The following DLGAP2 variants were observed in gnomAD, a reference collection of about 807,000 sequenced individuals.
DLGAP2 encodes disks large-associated protein 2.
Under a neutral mutation model 100.3 loss-of-function variants are expected in DLGAP2, and 26 were observed. That is an observed-to-expected ratio of 0.26 (90% CI 0.19 to 0.36). The LOEUF (loss-of-function observed/expected upper bound fraction) is 0.36, where lower values mean the gene tolerates loss of function less well. Among genes scored for constraint, DLGAP2 ranks in the 10% least tolerant of loss-of-function variants. The pLI is 1.00. For missense variants in DLGAP2, 1,858 were observed against 1,453.2 expected (o/e 1.28, Z -4.53); for synonymous variants, 886 against 630.1 (o/e 1.41, Z -6.08).
intron 6 of DLGAP2, among the ~76,000 whole-genome samples, chr8:1,613,285 T>A (rs13263740): frequency 7.0e-6 from 1 of 142,640 alleles, no homozygotes; most frequent in Non-Finnish European, 1.5e-5. Context: ...AGTAAACTAT[T>A]GCAAGAACAA....
intron 1 of DLGAP2, among the ~76,000 whole-genome samples, chr8:863,070 G>T (rs1032864086): frequency 2.0e-5 from 3 of 152,142 alleles, no homozygotes; most frequent in Admixed American, 2.0e-4. Context: ...TTTGTGAATT[G>T]TCTATGCATG....
chr8:1,445,310 A>T (rs968818589), intron 3 of DLGAP2, among the ~76,000 whole-genome samples: 1 of 137,388 alleles, frequency 7.3e-6, no homozygotes, highest in African/African-American at 2.8e-5. Flanking sequence ...AATTTGTTCA[A>T]TTCCCACCTA....
At chr8:976,376 T>A (rs1172707333) in intron 2 of DLGAP2, among the ~76,000 whole-genome samples, 1 of 151,766 alleles carries the variant, frequency 6.6e-6, no homozygotes, top group Non-Finnish European at 1.5e-5. Context: ...CTTTGGGAGA[T>A]CGAGGCGGGC....
At chr8:1,636,733 C>T (rs932970951) in intron 8 of DLGAP2, among the ~76,000 whole-genome samples, 1 of 152,178 alleles carries the variant, frequency 6.6e-6, no homozygotes, top group Admixed American at 6.5e-5. Context: ...TCTTCTGATA[C>T]CAGGACCTGG....
In DLGAP2 at chr8:1,323,573, C is replaced by T. The variant is rs148260830; in HGVS notation, c.106+64690C>T. On this transcript the variant is annotated intron_variant, in intron 3 of 14. Coordinates refer to ENST00000637795, the MANE Select transcript of DLGAP2 (RefSeq NM_001346810.2). The stretch of plus-strand genomic sequence containing the variant: ...GGCTCCTGCTGAACCAGGATTCGAA[C>T]GTGGGGCAGGCAGCAGCAGCTCCTG... Among the ~76,000 whole-genome samples, 628 of 152,300 alleles carry T rather than the reference C, an allele frequency of 4.1e-3. 6 individuals are homozygous for T. The highest frequency in any genetic ancestry group is 0.014 in the African/African-American group (581 of 41,566).
chr8:1,391,890 C>T (rs749387172), intron 3 of DLGAP2, among the ~76,000 whole-genome samples: 1 of 152,252 alleles, frequency 6.6e-6, no homozygotes, highest in African/African-American at 2.4e-5. Context: ...AACGCTTGTG[C>T]GTCCACCTTG....
At chr8:1,106,998 T>A (rs528016312) in intron 2 of DLGAP2, among the ~76,000 whole-genome samples, 271 of 152,060 alleles carry the variant, frequency 1.8e-3, no homozygotes, top group African/African-American at 6.3e-3. Context: ...AGTGAGAGAG[T>A]CTATTAAACC....
chr8:1,361,997 G>A (rs965868694), intron 3 of DLGAP2, among the ~76,000 whole-genome samples: 1 of 152,206 alleles, frequency 6.6e-6, no homozygotes, highest in African/African-American at 2.4e-5. Context: ...TGGCTGCAGA[G>A]GTGGAATGGC....
chr8:1,521,008 G>A (rs533221173), intron 4 of DLGAP2, among the ~76,000 whole-genome samples: 126 of 152,286 alleles, frequency 8.3e-4, no homozygotes, highest in African/African-American at 2.7e-3. Context: ...CGTCCTGGCC[G>A]GCGTGTGGTA....
At chr8:1,348,598 A>C (rs1210316275) in intron 3 of DLGAP2, among the ~76,000 whole-genome samples, 4 of 151,468 alleles carry the variant, frequency 2.6e-5, no homozygotes, top group Non-Finnish European at 5.9e-5. Flanking sequence ...TAACATCTGC[A>C]TTGCACTCAT....
chr8:1,288,244 A>AGT (rs1387903625), intron 3 of DLGAP2, among the ~76,000 whole-genome samples: 52 of 82,420 alleles, frequency 6.3e-4, no homozygotes, highest in South Asian at 5.2e-3. Context: ...GTTTCGTTTC[A>AGT]GTGTGTGTGT....
chr8:794,578 T>G (rs1016846406), intron 1 of DLGAP2, among the ~76,000 whole-genome samples: 3 of 152,264 alleles, frequency 2.0e-5, no homozygotes, highest in Non-Finnish European at 4.4e-5. Context: ...ATGTTATTGT[T>G]TGTGGCTTAG....
At chr8:1,420,894 A>C (rs1797070976) in intron 3 of DLGAP2, among the ~76,000 whole-genome samples, 1 of 152,172 alleles carries the variant, frequency 6.6e-6, no homozygotes, top group Non-Finnish European at 1.5e-5. Context: ...CCTGGGCTGC[A>C]GGTGTGGCAA....
intron 3 of DLGAP2, among the ~76,000 whole-genome samples, chr8:1,492,111 G>C (rs1472504210): frequency 6.6e-6 from 1 of 152,196 alleles, no homozygotes; most frequent in Non-Finnish European, 1.5e-5. Flanking sequence ...TTAACCACTG[G>C]TAAAAATTCT....
At chr8:1,260,850 C>T (rs1005044927) in intron 3 of DLGAP2, among the ~76,000 whole-genome samples, 2 of 152,214 alleles carry the variant, frequency 1.3e-5, no homozygotes, top group African/African-American at 4.8e-5. Context: ...GATCTGGCCC[C>T]ATCAGGGCTC....
rs77831241 is a variant in DLGAP2, at chr8:1,684,277, G to C, written c.2704+5648G>C. 6.6e-5 allele frequency among the ~76,000 whole-genome samples: 10 copies of C among 151,796 alleles called. No individual in the cohort carries two copies. The East Asian group carries it at 1.9e-3, about 29-fold the overall frequency. Reference sequence around the variant, plus strand: ...GCCCAGATACCTTCATCTTTTTGTGGACAGATGTCAAAACACTTGTTATGC... The same window carrying C: ...GCCCAGATACCTTCATCTTTTTGTGCACAGATGTCAAAACACTTGTTATGC... On this transcript the variant is annotated intron_variant, in intron 12 of 14. Transcript: ENST00000637795.
chr8:1,203,561 T>A (rs74910450), intron 2 of DLGAP2, among the ~76,000 whole-genome samples: 2,314 of 152,344 alleles, frequency 0.015, 63 homozygotes, highest in African/African-American at 0.052. Context: ...TTCTCTTTTA[T>A]CTAGCAGATT....
intron 2 of DLGAP2, among the ~76,000 whole-genome samples, chr8:1,196,379 A>G (rs575076426): frequency 6.6e-6 from 1 of 152,298 alleles, no homozygotes; most frequent in Middle Eastern, 3.4e-3. Flanking sequence ...AGGTGTCAGC[A>G]CAGGGGCTAA....
intron 2 of DLGAP2, among the ~76,000 whole-genome samples, chr8:1,126,621 G>A (rs1028246739): frequency 6.6e-6 from 1 of 152,046 alleles, no homozygotes; most frequent in African/African-American, 2.4e-5. Flanking sequence ...TTTCAGTAGG[G>A]TCTCGGGGTG....
Sources: allele counts gnomAD v4.1 joint callset (sites outside exome capture counted in the v4.1 genomes callset), GRCh38; gene constraint gnomAD v4.1.1; transcripts MANE v1.5; gene names NCBI Gene and HGNC (gene_info 2026-07-23, HGNC 2026-07-21).